NSD1: variants seen among roughly 807,000 people sequenced by gnomAD.
The protein encoded by NSD1 is nuclear receptor binding SET domain protein 1.
A neutral mutation model predicts 242.7 loss-of-function variants in NSD1; 26 were observed. That is an observed-to-expected ratio of 0.11 (90% CI 0.08 to 0.15). The LOEUF (loss-of-function observed/expected upper bound fraction) is 0.15, where lower values mean the gene tolerates loss of function less well. Among genes scored for constraint, NSD1 ranks in the 10% least tolerant of loss-of-function variants. The probability of loss-of-function intolerance (pLI) is 1.00; values close to 1 mark genes in which losing one functional copy is unlikely to be tolerated. For synonymous variants in NSD1, 1,106 were observed against 1,178.1 expected (o/e 0.94, Z 1.25); for missense variants, 2,495 against 3,272.8 (o/e 0.76, Z 5.80).
At chr5:177,222,657 C>G (rs931273236) in intron 5 of NSD1, among the ~76,000 whole-genome samples, 5 of 152,068 alleles carry the variant, frequency 3.3e-5, no homozygotes, top group African/African-American at 1.2e-4. Flanking sequence ...AATTACATAT[C>G]TAGAGTCTTT....
At chr5:177,171,097 C>G (rs1666946575) in intron 2 of NSD1, among the ~76,000 whole-genome samples, 1 of 151,072 alleles carries the variant, frequency 6.6e-6, no homozygotes, top group Non-Finnish European at 1.5e-5. Context: ...CCGAGGTGGA[C>G]AGATCACAAG....
intron 8 of NSD1, 50 bp from the exon 9 acceptor site, chr5:177,244,145 G>A (rs1691123781): frequency 1.5e-6 from 2 of 1,328,352 alleles, no homozygotes; most frequent in African/African-American, 1.4e-5. Flanking sequence ...AAAGTAAAGG[G>A]TTTATTTTTT....
intron 2 of NSD1, among the ~76,000 whole-genome samples, chr5:177,156,197 T>A (rs1317195486): frequency 2.1e-5 from 3 of 145,608 alleles, no homozygotes; most frequent in Non-Finnish European, 4.5e-5. Context: ...TTTTTTTTTT[T>A]TTGAGATGGA....
At chr5:177,218,320 A>T (rs980349486) in intron 5 of NSD1, among the ~76,000 whole-genome samples, 1 of 152,100 alleles carries the variant, frequency 6.6e-6, no homozygotes, top group African/African-American at 2.4e-5. Context: ...AAGTGCTGGG[A>T]TTACAGGTGT....
In NSD1 at chr5:177,267,548, T is replaced by G. The variant is rs756950225; in HGVS notation, c.5147-14T>G. On this transcript the variant is annotated splice_polypyrimidine_tract_variant and intron_variant, in intron 14 of 22. Transcript: ENST00000439151. ...GTCTTGTGATCTGAATGCCACATTTTTTTATTCCCACAGGAGGCAGCCTTC... is the reference window on the plus strand; with the variant it reads ...GTCTTGTGATCTGAATGCCACATTTGTTTATTCCCACAGGAGGCAGCCTTC... 1 of 1,613,818 alleles carries G rather than the reference T, an allele frequency of 6.2e-7. No individual in the cohort carries two copies. The highest frequency in any genetic ancestry group is 2.2e-5 in the East Asian group (1 of 44,858).
intron 20 of NSD1, chr5:177,288,442 A>G (rs1581546732): frequency 3.4e-6 from 1 of 294,732 alleles, no homozygotes; most frequent in East Asian, 9.4e-5. Flanking sequence ...CTGAGAACAG[A>G]CAAACAGGTT....
intron 3 of NSD1, among the ~76,000 whole-genome samples, chr5:177,199,609 CTTTTT>C (rs981231265): frequency 6.7e-5 from 10 of 148,250 alleles, no homozygotes; most frequent in Non-Finnish European, 1.1e-4. Flanking sequence ...CTTTTCTTTT[CTTTTT>C]TTTTGAGATG....
At chr5:177,272,605 AG>A (rs1431563518) in intron 16 of NSD1, among the ~76,000 whole-genome samples, 3 of 152,204 alleles carry the variant, frequency 2.0e-5, no homozygotes, top group Non-Finnish European at 4.4e-5. Flanking sequence ...GAGAAAGTAC[AG>A]GGGCCGGGCA....
chr5:177,245,115 C>T (rs1014775257), intron 9 of NSD1, among the ~76,000 whole-genome samples: 1 of 152,076 alleles, frequency 6.6e-6, no homozygotes, highest in Non-Finnish European at 1.5e-5. Context: ...ACTTGTTAAG[C>T]TGACATGTAG....
chr5:177,187,283 T>G (rs1019329041), intron 2 of NSD1, among the ~76,000 whole-genome samples: 1 of 151,908 alleles, frequency 6.6e-6, no homozygotes, highest in African/African-American at 2.4e-5. Flanking sequence ...CTTTGTATTT[T>G]TAGTAGAGAT....
At chr5:177,159,000 A>T (rs1291146689) in intron 2 of NSD1, among the ~76,000 whole-genome samples, 10 of 18,072 alleles carry the variant, frequency 5.5e-4, no homozygotes, top group Non-Finnish European at 8.1e-4. Flanking sequence ...GAATGATTTT[A>T]TATATATATA....
intron 5 of NSD1, among the ~76,000 whole-genome samples, chr5:177,222,157 C>T (rs1764288801): frequency 6.7e-6 from 1 of 148,364 alleles, no homozygotes; most frequent in African/African-American, 2.5e-5. Flanking sequence ...GAGATGTTGT[C>T]TCACTCTGTC....
chr5:177,264,232 A>T lies in NSD1; in HGVS notation c.5147-3330A>T, dbSNP rs1339268539. Among the ~76,000 whole-genome samples, 9 of 151,860 alleles carry T rather than the reference A, an allele frequency of 5.9e-5. No individual in the cohort carries two copies. In the South Asian group the frequency reaches 1.7e-3, roughly 28 times the overall value. ...TTGTATTTTTAGTAGAGATGAGGCAATATTTTTAATATAGCTAATGCATGA... is the reference window on the plus strand; with the variant it reads ...TTGTATTTTTAGTAGAGATGAGGCATTATTTTTAATATAGCTAATGCATGA... On this transcript the variant is annotated intron_variant, in intron 14 of 22. Coordinates refer to ENST00000439151, the MANE Select transcript of NSD1 (RefSeq NM_022455.5).
Position 177,135,109 on chromosome 5 carries a change from T to C in NSD1, c.6T>C (p.Asp2=). 6.2e-7 allele frequency: 1 copy of C among 1,614,166 alleles called. No homozygotes were observed. Among genetic ancestry groups the C allele is most frequent in the African/African-American group, 1.3e-5 (1 of 75,020 alleles). ...CAGGTTGATGCCGGCCCAGGATGGA[T>C]CAGACCTGTGAACTACCCAGAAGAA... M[D]QTCELPRRNC... is the part of the protein sequence containing the mutation. The change falls in exon 2 of 23, where the codon GAT becomes GAC. Residue 2 remains aspartate (D), a synonymous_variant. Transcript: ENST00000439151.
At chr5:177,165,170 T>C (rs1167431868) in intron 2 of NSD1, among the ~76,000 whole-genome samples, 1 of 152,030 alleles carries the variant, frequency 6.6e-6, no homozygotes, top group Admixed American at 6.6e-5. Flanking sequence ...TTGTAACCAT[T>C]TTATTTTATC....
chr5:177,294,915 C>G lies in NSD1; in HGVS notation c.7547C>G (p.Ser2516Cys), dbSNP rs1426030872. 6.2e-7 allele frequency: 1 copy of G among 1,614,108 alleles called. No individual in the cohort carries two copies. The highest frequency in any genetic ancestry group is 8.5e-7 in the Non-Finnish European group (1 of 1,180,000). ...TGTGTGTCAGATCCTCTTCAGACAT[C>G]TGGGAAAGCAGCAGCCCCTTCAGAG... The part of the protein sequence containing the change: ...KGCVSDPLQT[S>C]GKAAAPSEDP... The change falls in exon 23 of 23, where the codon TCT (serine) becomes TGT (cysteine). Residue 2516 changes from serine (S) to cysteine (C), a missense_variant. Around this residue, in one of 19 missense-constraint regions of NSD1, gnomAD observed 475 missense variants for 563.7 expected, o/e 0.84. Coordinates refer to ENST00000439151, the MANE Select transcript of NSD1 (RefSeq NM_022455.5).
rs1761752297 is a variant in NSD1, at chr5:177,192,256, G to A, written c.1063+237G>A. Among the ~76,000 whole-genome samples, 3 of 151,946 alleles carry A rather than the reference G, an allele frequency of 2.0e-5. No individual in the cohort carries two copies. The South Asian group carries it at 6.2e-4, about 31-fold the overall frequency. On this transcript the variant is annotated intron_variant, in intron 3 of 22. Transcript: ENST00000439151. Reference sequence around the variant, plus strand: ...ACGGAGTCTCGCTCTTGTTGCCCAGGCTGGACTGTAGTGGTGCAATCTCAG... The same window carrying A: ...ACGGAGTCTCGCTCTTGTTGCCCAGACTGGACTGTAGTGGTGCAATCTCAG...
intron 5 of NSD1, among the ~76,000 whole-genome samples, chr5:177,220,071 T>C (rs1764111818): frequency 6.6e-6 from 1 of 152,230 alleles, no homozygotes; most frequent in East Asian, 1.9e-4. Context: ...GTTTGTTATA[T>C]GCAATTGTTC....
rs573131633 is a variant in NSD1, at chr5:177,265,808, C to A, written c.5147-1754C>A. Reference sequence around the variant, plus strand: ...GCCGGTCCCTCCGGTCCTCTTGTGGCAGTGCGTAAACTCGATGTTGAAGTA... The same window carrying A: ...GCCGGTCCCTCCGGTCCTCTTGTGGAAGTGCGTAAACTCGATGTTGAAGTA... On this transcript the variant is annotated intron_variant, in intron 14 of 22. Coordinates refer to ENST00000439151, the MANE Select transcript of NSD1 (RefSeq NM_022455.5). 17 of 1,392,924 alleles carry A rather than the reference C, an allele frequency of 1.2e-5. No individual in the cohort carries two copies. The African/African-American group carries it at 1.8e-4, about 15-fold the overall frequency. 86.3% of individuals were successfully genotyped at this position (1,392,924 alleles called of 1,614,324 possible).
Sources: allele counts gnomAD v4.1 joint callset (sites outside exome capture counted in the v4.1 genomes callset), GRCh38; gene constraint gnomAD v4.1.1; regional missense constraint gnomAD v4.1.1; transcripts MANE v1.5; gene names NCBI Gene and HGNC (gene_info 2026-07-23, HGNC 2026-07-21).